The following TEX11 variants were observed in gnomAD, a reference collection of about 807,000 sequenced individuals.
TEX11 encodes the protein testis expressed 11, also known as testis-expressed protein 11.
A neutral mutation model predicts 84.4 loss-of-function variants in TEX11; 7 were observed. The observed-to-expected ratio is 0.08, with a 90% CI of 0.05 to 0.16. The LOEUF is 0.16. Among genes scored for constraint, TEX11 ranks in the 10% least tolerant of loss-of-function variants. The pLI is 1.00. For synonymous variants in TEX11, 264 were observed against 222.8 expected (o/e 1.18, Z -1.64); for missense variants, 551 against 660.5 (o/e 0.83, Z 1.82).
chrX:70,622,811 C>T (rs2089410185), intron 20 of TEX11, among the ~76,000 whole-genome samples: 1 of 111,657 alleles, frequency 9.0e-6, no homozygotes, highest in African/African-American at 3.3e-5. Context: ...TCTTCCTCTC[C>T]CATATTATTT....
chrX:70,860,552 C>T (rs1236781864), intron 5 of TEX11, among the ~76,000 whole-genome samples: 4 of 111,166 alleles, frequency 3.6e-5, no homozygotes. Context: ...TAAGTATTAC[C>T]ATTCCCTTAG....
intron 17 of TEX11, among the ~76,000 whole-genome samples, chrX:70,642,487 T>C (rs1387284415): frequency 1.9e-5 from 2 of 107,154 alleles, no homozygotes; most frequent in Admixed American, 2.0e-4. Flanking sequence ...TTTAGACCAA[T>C]ATCCTTGATG....
intron 25 of TEX11, among the ~76,000 whole-genome samples, chrX:70,589,022 G>C (rs1384684530): frequency 3.6e-5 from 4 of 110,468 alleles, no homozygotes; most frequent in Non-Finnish European, 7.6e-5. Flanking sequence ...TGGAGAAAGG[G>C]GGAATGGGGA....
intron 25 of TEX11, among the ~76,000 whole-genome samples, chrX:70,581,297 T>TC (rs1569339250): frequency 2.5e-5 from 2 of 80,551 alleles, no homozygotes; most frequent in Admixed American, 2.5e-4. Context: ...ACTGTTGCTT[T>TC]TTTTTTTTTT....
Position 70,738,160 on chromosome X carries a change from G to A in TEX11, c.843+2541C>T, listed in dbSNP as rs192657703. On this transcript the variant is annotated intron_variant, in intron 11 of 29. Coordinates refer to ENST00000374333, the MANE Select transcript of TEX11 (RefSeq NM_031276.3). The stretch of plus-strand genomic sequence containing the variant: ...AAAGAAATTATCTTCAGAGTGAACA[G>A]GCAATCTACAGAATGGGAGAAAATT... 4.1e-3 allele frequency among the ~76,000 whole-genome samples: 461 copies of A among 111,686 alleles called. 2 individuals are homozygous for A. The highest frequency in any genetic ancestry group is 0.014 in the African/African-American group (438 of 30,821).
chrX:70,764,945 G>A (rs976051727), intron 9 of TEX11, among the ~76,000 whole-genome samples: 4 of 111,209 alleles, frequency 3.6e-5, no homozygotes, highest in African/African-American at 9.8e-5. Flanking sequence ...AATAGAGGAG[G>A]AGGGAATATA....
Position 70,588,847 on chromosome X carries a change from T to G in TEX11, c.2140+2904A>C, listed in dbSNP as rs141469697. Among the ~76,000 whole-genome samples the G allele has an allele frequency of 3.8e-3, 416 of 108,087 alleles. 4 individuals carry two copies. The highest frequency in any genetic ancestry group is 0.014 in the African/African-American group (402 of 29,541). 93.9% of individuals were successfully genotyped at this position (108,087 alleles called of 115,157 possible). A position where few individuals can be genotyped will look rare whatever the true frequency, so the allele number is the denominator to read the frequency against. On this transcript the variant is annotated intron_variant, in intron 25 of 29. Transcript: ENST00000374333. ...ACTTAAGGAGGTCAAGGTGGGAGGA[T>G]AGCTTGAGCGCAGGGTTCAAGGCTG...
At chrX:70,643,493 A>G (rs1269322484) in intron 17 of TEX11, among the ~76,000 whole-genome samples, 2 of 90,631 alleles carry the variant, frequency 2.2e-5, no homozygotes, top group Non-Finnish European at 4.3e-5. Flanking sequence ...ACAAAGCTGG[A>G]GGCATCACAC....
At chrX:70,706,101 A>G (rs2090372208) in intron 13 of TEX11, among the ~76,000 whole-genome samples, 2 of 111,691 alleles carry the variant, frequency 1.8e-5, no homozygotes, top group South Asian at 7.5e-4. Flanking sequence ...AATGTGGCAC[A>G]TATACACCAT....
intron 4 of TEX11, among the ~76,000 whole-genome samples, chrX:70,870,452 C>T (rs1211518764): frequency 9.0e-6 from 1 of 111,079 alleles, no homozygotes; most frequent in East Asian, 2.9e-4. Flanking sequence ...TCTCCTGCCT[C>T]GGCCTCCTGA....
chrX:70,686,393 T>C (rs1485262030), intron 13 of TEX11, among the ~76,000 whole-genome samples: 2 of 111,418 alleles, frequency 1.8e-5, no homozygotes, highest in East Asian at 5.6e-4. Flanking sequence ...TGCAGGGACA[T>C]GGATTAAGCT....
intron 12 of TEX11, among the ~76,000 whole-genome samples, 165 bp from the exon 13 acceptor site, chrX:70,722,861 T>C (rs544498436): frequency 3.0e-4 from 34 of 112,078 alleles, no homozygotes; most frequent in African/African-American, 1.1e-3. Flanking sequence ...TAACATCCAG[T>C]GCTGGAGAGT....
chrX:70,696,548 G>T (rs186949941), intron 13 of TEX11, among the ~76,000 whole-genome samples: 1 of 111,313 alleles, frequency 9.0e-6, no homozygotes, highest in Non-Finnish European at 1.9e-5. Flanking sequence ...CAGGAGGATC[G>T]CTTGAGCCCA....
chrX:70,719,684 AC>A (rs768555958), intron 13 of TEX11, among the ~76,000 whole-genome samples: 5 of 112,304 alleles, frequency 4.5e-5, no homozygotes, highest in Non-Finnish European at 7.5e-5. Flanking sequence ...GAAAAAACAA[AC>A]AACCCCATCA....
At chrX:70,643,248 C>T (rs1364223715) in intron 17 of TEX11, among the ~76,000 whole-genome samples, 1 of 105,906 alleles carries the variant, frequency 9.4e-6, no homozygotes, top group Admixed American at 1.0e-4. Context: ...GAACTACAAA[C>T]CGCTGCTCAA....
chrX:70,781,067 C>A (rs149424394), intron 9 of TEX11, among the ~76,000 whole-genome samples: 2,278 of 111,671 alleles, frequency 0.02, 23 homozygotes, highest in Non-Finnish European at 0.027. Flanking sequence ...GGCCAACAGA[C>A]ACCTCATATA....
Position 70,547,142 on chromosome X carries a change from A to G in TEX11, c.2520+4984T>C, listed in dbSNP as rs956296092. Among the ~76,000 whole-genome samples, 3 of 109,719 alleles carry G rather than the reference A, an allele frequency of 2.7e-5. No homozygotes were observed. The Admixed American group carries it at 3.0e-4, about 11-fold the overall frequency. Reference sequence around the variant, plus strand: ...AGCCAGACACAAGAGGCCACGTATTATATAATTTCATTTATATGATGTGTC... The same window carrying G: ...AGCCAGACACAAGAGGCCACGTATTGTATAATTTCATTTATATGATGTGTC... On this transcript the variant is annotated intron_variant, in intron 28 of 29. Transcript: ENST00000374333.
chrX:70,558,484 G>A (rs977693055), intron 25 of TEX11, among the ~76,000 whole-genome samples: 1 of 111,598 alleles, frequency 9.0e-6, no homozygotes, highest in African/African-American at 3.3e-5. Context: ...GAAAACAGAG[G>A]GGTAAACCTT....
Position 70,532,314 on chromosome X carries a change from C to T in TEX11, c.2521-2315G>A, listed in dbSNP as rs145481663. ...ATTTTGAAATTTATCCTGCTGGCAA[C>T]GGGAAGGCACTGAAACTTTTTGAGA... On this transcript the variant is annotated intron_variant, in intron 28 of 29. Coordinates refer to ENST00000374333, the MANE Select transcript of TEX11 (RefSeq NM_031276.3). Among the ~76,000 whole-genome samples, 652 of 111,828 alleles carry T rather than the reference C, an allele frequency of 5.8e-3. 3 individuals carry two copies. Among genetic ancestry groups the T allele is most frequent in the African/African-American group, 0.018 (562 of 30,804 alleles).
Sources: allele counts gnomAD v4.1 joint callset (sites outside exome capture counted in the v4.1 genomes callset), GRCh38; gene constraint gnomAD v4.1.1; transcripts MANE v1.5; gene names NCBI Gene and HGNC (gene_info 2026-07-23, HGNC 2026-07-21).